ZFAND4: variants seen among roughly 807,000 people sequenced by gnomAD.
ZFAND4 encodes AN1-type zinc finger protein 4.
ZFAND4 carries 43 observed loss-of-function variants against 64.4 expected under a neutral mutation model. The observed-to-expected ratio is 0.67, with a 90% CI of 0.52 to 0.86. The LOEUF is 0.86. Ranked by LOEUF, ZFAND4 falls within the 40% of genes least tolerant of loss-of-function variation. The pLI, the probability that ZFAND4 is intolerant of heterozygous loss-of-function variation, is 0.00. For missense variants in ZFAND4, 929 were observed against 859.8 expected, an observed-to-expected ratio of 1.08 and a Z score of -1.01; for synonymous variants, 296 against 305.7, an observed-to-expected ratio of 0.97 and a Z score of 0.33.
rs529971073 is a variant in ZFAND4, at chr10:45,630,973, A to AAAAG, written c.718-3872_718-3869dup. ...AAGACCCTGTCTTTAAAAAAAAAAA[A>AAAAG]AAAGAAAGAAAGAAAGAAAAGACCA... On this transcript the variant is annotated intron_variant, in intron 6 of 9. Coordinates refer to ENST00000344646, the MANE Select transcript of ZFAND4 (RefSeq NM_174890.4). Among the ~76,000 whole-genome samples the AAAAG allele has an allele frequency of 1.7e-3, 253 of 151,118 alleles. 1 individual carries two copies. The highest frequency in any genetic ancestry group is 6.3e-3 in the East Asian group (32 of 5,094).
chr10:45,656,831 CTCTT>C lies in ZFAND4; in HGVS notation c.185-3776_185-3773del, dbSNP rs1167090644. Among the ~76,000 whole-genome samples the C allele has an allele frequency of 7.2e-5, 11 of 152,136 alleles. No individual in the cohort carries two copies. In the South Asian group the frequency reaches 1.5e-3, roughly 20 times the overall value. On this transcript the variant is annotated intron_variant, in intron 2 of 9. Transcript: ENST00000344646. ...TCCTTAGAAGAGAGATGATCTCCCT[CTCTT>C]TATCTACCGTGAGAGGATGTAGAAA... is the stretch of plus-strand genomic sequence containing the variant.
At chr10:45,669,393 C>G (rs1482284324) in intron 1 of ZFAND4, among the ~76,000 whole-genome samples, 7 of 152,246 alleles carry the variant, frequency 4.6e-5, no homozygotes, top group East Asian at 3.9e-4. Flanking sequence ...TAATTAATAG[C>G]CTACCAACAA....
At chr10:45,669,649 G>C (rs1035106531) in intron 1 of ZFAND4, among the ~76,000 whole-genome samples, 1 of 152,132 alleles carries the variant, frequency 6.6e-6, no homozygotes, top group Non-Finnish European at 1.5e-5. Context: ...CTGGCACACC[G>C]AATCCAGCAG....
chr10:45,670,280 G>A (rs2049094313), intron 1 of ZFAND4, among the ~76,000 whole-genome samples: 1 of 149,694 alleles, frequency 6.7e-6, no homozygotes, highest in Non-Finnish European at 1.5e-5. Context: ...AGGCTGGAGT[G>A]CAATGGTGTG....
intron 1 of ZFAND4, among the ~76,000 whole-genome samples, chr10:45,664,461 G>T (rs905325292): frequency 9.9e-5 from 15 of 151,580 alleles, no homozygotes; most frequent in Admixed American, 3.9e-4. Flanking sequence ...TAGAGACGGG[G>T]TTTCACCACG....
intron 8 of ZFAND4, among the ~76,000 whole-genome samples, chr10:45,620,354 G>A (rs1246924901): frequency 1.3e-5 from 2 of 152,044 alleles, no homozygotes; most frequent in Non-Finnish European, 2.9e-5. Flanking sequence ...GGTAGCACGC[G>A]CCTGTAGTCC....
chr10:45,626,561 T>G lies in ZFAND4; in HGVS notation c.1262A>C (p.Lys421Thr). 1 of 1,614,164 alleles carries G rather than the reference T, an allele frequency of 6.2e-7. No homozygotes were observed. The highest frequency in any genetic ancestry group is 8.5e-7 in the Non-Finnish European group (1 of 1,180,040). Residue 421 changes from lysine to threonine, a missense_variant, in exon 7 of 10, where the codon AAA becomes ACA. Transcript: ENST00000344646. ...EQSSGLEGAC[K>T]VNLELLLTNA... ...AGTGAGTAGCAACTCCAGATTCACT[T>G]TGCACGCACCTTCTAAGCCGCTGCT...
intron 1 of ZFAND4, among the ~76,000 whole-genome samples, chr10:45,667,546 G>A (rs547495087): frequency 8.4e-5 from 11 of 130,200 alleles, no homozygotes; most frequent in Middle Eastern, 5.7e-3. Flanking sequence ...TCCGCTTATT[G>A]TAACCTCCGC....
At chr10:45,649,523 C>T (rs1289795288) in intron 4 of ZFAND4, among the ~76,000 whole-genome samples, 1 of 152,088 alleles carries the variant, frequency 6.6e-6, no homozygotes, top group Admixed American at 6.5e-5. Context: ...GAAGTTGCAG[C>T]AATAGGAAAA....
rs565470639 is a variant in ZFAND4 at position 45,625,372 on chromosome 10, C to G, written c.1872+579G>C. On this transcript the variant is annotated intron_variant, in intron 7 of 9. Transcript: ENST00000344646. The stretch of plus-strand genomic sequence containing the variant: ...GCCTGTAGTCCCAGCTACTTGGGAG[C>G]CTGAGGCAGGAGAATGGCGTGAACC... Among the ~76,000 whole-genome samples, 8 of 149,238 alleles carry G rather than the reference C, an allele frequency of 5.4e-5. 1 individual carries two copies. The South Asian group carries it at 1.7e-3, about 32-fold the overall frequency.
At chr10:45,640,849 A>C (rs2046949819) in intron 5 of ZFAND4, among the ~76,000 whole-genome samples, 1 of 152,178 alleles carries the variant, frequency 6.6e-6, no homozygotes, top group African/African-American at 2.4e-5. Flanking sequence ...GAAAATGTAA[A>C]AACCTAGACT....
At chr10:45,649,763 T>C (rs1051477756) in intron 4 of ZFAND4, 2 of 152,216 alleles carry the variant, frequency 1.3e-5, no homozygotes, top group African/African-American at 2.4e-5. Context: ...CTTTCCATAT[T>C]ACATCAAGAG....
intron 1 of ZFAND4, among the ~76,000 whole-genome samples, chr10:45,671,440 T>C (rs2049179824): frequency 6.6e-6 from 1 of 152,156 alleles, no homozygotes. Flanking sequence ...CAAATGTCCA[T>C]CAGTGATAGA....
chr10:45,617,127 T>C (rs560193076), intron 9 of ZFAND4, among the ~76,000 whole-genome samples: 1 of 150,926 alleles, frequency 6.6e-6, no homozygotes, highest in Non-Finnish European at 1.5e-5. Flanking sequence ...TAGAACTCTA[T>C]CAGTAGTAAA....
intron 2 of ZFAND4, among the ~76,000 whole-genome samples, chr10:45,660,237 G>A (rs1376337495): frequency 6.6e-6 from 1 of 151,572 alleles, no homozygotes; most frequent in Admixed American, 6.6e-5. Context: ...TGTAGTCCCA[G>A]CTACTTGAAA....
chr10:45,666,924 G>T (rs1256275019), intron 1 of ZFAND4, among the ~76,000 whole-genome samples: 1 of 152,128 alleles, frequency 6.6e-6, no homozygotes, highest in African/African-American at 2.4e-5. Flanking sequence ...CTGAAATCAG[G>T]AAGTGTGAGG....
At chr10:45,631,804 A>AT (rs1400520414) in intron 6 of ZFAND4, among the ~76,000 whole-genome samples, 2 of 152,244 alleles carry the variant, frequency 1.3e-5, no homozygotes, top group Admixed American at 6.5e-5. Context: ...CATGTATTAA[A>AT]TTATCACATG....
At chr10:45,652,892 A>C in intron 3 of ZFAND4, 92 bp downstream of exon 3, 1 of 942,934 alleles carries the variant, frequency 1.1e-6, no homozygotes, top group Non-Finnish European at 1.6e-6. Flanking sequence ...GGAGAAAAAC[A>C]GACATGATCT....
chr10:45,671,769 C>T (rs1405577660), intron 1 of ZFAND4, among the ~76,000 whole-genome samples: 3 of 150,916 alleles, frequency 2.0e-5, no homozygotes, highest in Non-Finnish European at 2.9e-5. Flanking sequence ...CAACATGGCA[C>T]ATGTATAGCT....
Sources: allele counts gnomAD v4.1 joint callset (sites outside exome capture counted in the v4.1 genomes callset), GRCh38; gene constraint gnomAD v4.1.1; transcripts MANE v1.5; gene names NCBI Gene and HGNC (gene_info 2026-07-23, HGNC 2026-07-21).